The following GLIS3 variants were observed in gnomAD, a reference collection of about 807,000 sequenced individuals.
GLIS3 encodes zinc finger protein GLIS3.
GLIS3 carries 53 observed loss-of-function variants against 78.6 expected under a neutral mutation model. The observed-to-expected ratio is 0.67, with a 90% CI of 0.54 to 0.85. The LOEUF (loss-of-function observed/expected upper bound fraction) is 0.85. Ranked by LOEUF, GLIS3 falls within the 40% of genes least tolerant of loss-of-function variation. The probability of loss-of-function intolerance (pLI) is 0.00; values close to 1 mark genes in which losing one functional copy is unlikely to be tolerated. For synonymous variants in GLIS3, 684 were observed against 509.9 expected (o/e 1.34, Z -4.60); for missense variants, 1,703 against 1,231.1 (o/e 1.38, Z -5.74).
At chr9:4,472,528 A>G in the GLIS3 span, among the ~76,000 whole-genome samples, 3 of 146,934 alleles carry the variant, frequency 2.0e-5, no homozygotes, top group East Asian at 2.1e-4. Flanking sequence ...AACACTGCAT[A>G]TTCTCACTCA....
intron 2 of GLIS3, among the ~76,000 whole-genome samples, chr9:4,236,863 T>G (rs1296165484): frequency 6.6e-6 from 1 of 152,214 alleles, no homozygotes; most frequent in African/African-American, 2.4e-5. Context: ...AAAACTTCCC[T>G]TCTGATTGGC....
Position 3,951,880 on chromosome 9 carries a change from ACACACG to A in GLIS3, c.1711-14697_1711-14692del, listed in dbSNP as rs1231773118. ...CACACACACACACACACACACACACACACACGCACGCACACACCCACTGGCCTTTCT... is the reference window on the plus strand; with the variant it reads ...CACACACACACACACACACACACACACACGCACACACCCACTGGCCTTTCT... On this transcript the variant is annotated intron_variant, in intron 4 of 10. Coordinates refer to ENST00000381971, the MANE Select transcript of GLIS3 (RefSeq NM_001042413.2). Among the ~76,000 whole-genome samples the A allele has an allele frequency of 2.0e-5, 3 of 150,336 alleles. No homozygotes were observed. In the East Asian group the frequency reaches 5.8e-4, roughly 29 times the overall value.
intron 1 of GLIS3, among the ~76,000 whole-genome samples, chr9:4,288,265 T>C (rs1384232710): frequency 2.6e-5 from 4 of 152,204 alleles, no homozygotes; most frequent in African/African-American, 4.8e-5. Context: ...ATTGATAAAA[T>C]AGTGTTTTCT....
intron 9 of GLIS3, among the ~76,000 whole-genome samples, chr9:3,839,985 T>C (rs1588062356): frequency 6.6e-6 from 1 of 152,208 alleles, no homozygotes. Context: ...TTTCCATCCA[T>C]TGCATTAACG....
At chr9:3,848,016 T>A (rs1369714796) in intron 9 of GLIS3, among the ~76,000 whole-genome samples, 3 of 152,274 alleles carry the variant, frequency 2.0e-5, no homozygotes, top group African/African-American at 7.2e-5. Context: ...ACTTTCTCCA[T>A]GAAATCTATT....
chr9:4,484,242 T>A, the GLIS3 span, among the ~76,000 whole-genome samples: 51 of 147,298 alleles, frequency 3.5e-4, no homozygotes, highest in East Asian at 7.8e-4. Flanking sequence ...TTTTTTTATT[T>A]TTTTTATTTT....
At position 3,829,484 on chromosome 9, in the gene GLIS3, C is replaced by T. The variant is rs1179387242; in HGVS notation, c.2482G>A (p.Gly828Arg). Residue 828 changes from glycine (G) to arginine (R), a missense_variant, in exon 10 of 11, where the codon GGG (glycine) becomes AGG (arginine). By Grantham distance (125) the Gly-to-Arg change is moderately radical. Transcript: ENST00000381971. ...PNGIHVHGFY[G>R]QLQKFCPPHY... ...GGGGGACAGAACTTCTGCAGCTGCC[C>T]ATAAAATCCTGAAACGCAAGCATGG... The T allele has an allele frequency of 2.5e-6, 4 of 1,614,046 alleles. No homozygotes were observed. The East Asian group carries it at 8.9e-5, about 36-fold the overall frequency.
chr9:4,125,977 C>T (rs1404773011), intron 2 of GLIS3, 36 bp from the exon 3 acceptor site: 5 of 1,502,658 alleles, frequency 3.3e-6, no homozygotes, highest in Non-Finnish European at 3.7e-6. Flanking sequence ...TTTCATGTCC[C>T]TTACATCAGA....
the GLIS3 span, among the ~76,000 whole-genome samples, chr9:4,447,022 G>A: frequency 0.041 from 6,215 of 151,986 alleles, 188 homozygotes; most frequent in Non-Finnish European, 0.061. Flanking sequence ...CCCTATGCCT[G>A]TAATGGACCT....
intron 4 of GLIS3, among the ~76,000 whole-genome samples, chr9:3,992,299 A>C (rs747943867): frequency 6.6e-6 from 1 of 152,244 alleles, no homozygotes; most frequent in Non-Finnish European, 1.5e-5. Context: ...GTTATATGAA[A>C]TGTGAAAGAA....
At chr9:4,334,012 G>A (rs1485498068) in intron 2 of GLIS3, among the ~76,000 whole-genome samples, 1 of 152,142 alleles carries the variant, frequency 6.6e-6, no homozygotes, top group African/African-American at 2.4e-5. Context: ...GAGCTTAAGT[G>A]CTTAGAAACA....
chr9:4,296,903 CAAAAAAAAAA>C lies in GLIS3; in HGVS notation c.-99+2508_-99+2517del, dbSNP rs71324297. Among the ~76,000 whole-genome samples the C allele has an allele frequency of 7.7e-4, 88 of 114,156 alleles. 1 individual carries two copies. Among genetic ancestry groups the C allele is most frequent in the Admixed American group, 6.6e-3 (74 of 11,136 alleles). 74.9% of individuals were successfully genotyped at this position (114,156 alleles called of 152,430 possible). ...TTACACCTCAGCTTGTTCTCAATTG[CAAAAAAAAAA>C]AAAAAAAAAAAAAATGCATATAATC... On this transcript the variant is annotated intron_variant, in intron 1 of 10. Coordinates refer to ENST00000381971, the MANE Select transcript of GLIS3 (RefSeq NM_001042413.2).
the GLIS3 span, among the ~76,000 whole-genome samples, chr9:4,362,815 A>G: frequency 1.3e-5 from 2 of 152,134 alleles, no homozygotes; most frequent in Admixed American, 1.3e-4. Flanking sequence ...TTGCCAGAGA[A>G]CCCTGCTATC....
chr9:4,115,228 G>T (rs1463238391), intron 4 of GLIS3, among the ~76,000 whole-genome samples: 1 of 152,162 alleles, frequency 6.6e-6, no homozygotes, highest in Non-Finnish European at 1.5e-5. Context: ...ATCATACACA[G>T]AAAATAGCAG....
chr9:4,426,241 G>A, the GLIS3 span, among the ~76,000 whole-genome samples: 1 of 152,210 alleles, frequency 6.6e-6, no homozygotes, highest in East Asian at 1.9e-4. Context: ...AGGCTGAGTC[G>A]ATTTTAGAAG....
chr9:3,968,981 G>C (rs577998341), intron 4 of GLIS3, among the ~76,000 whole-genome samples: 2 of 152,322 alleles, frequency 1.3e-5, no homozygotes, highest in Admixed American at 6.5e-5. Context: ...AAGTGTGTTA[G>C]GCTCCATCAA....
rs187475462 is a variant in GLIS3 at position 4,032,430 on chromosome 9, T to C, written c.1710+85338A>G. 9.2e-5 allele frequency among the ~76,000 whole-genome samples: 14 copies of C among 152,246 alleles called. No homozygotes were observed. The East Asian group carries it at 2.7e-3, about 29-fold the overall frequency. On this transcript the variant is annotated intron_variant, in intron 4 of 10. Coordinates refer to ENST00000381971, the MANE Select transcript of GLIS3 (RefSeq NM_001042413.2). Reference sequence around the variant, plus strand: ...GCATATCATCTCACTTTCTTCTGCATAGAATGCTTTTTTTTCAAAATTTTA... The same window carrying C: ...GCATATCATCTCACTTTCTTCTGCACAGAATGCTTTTTTTTCAAAATTTTA...
At chr9:4,381,607 C>T in the GLIS3 span, among the ~76,000 whole-genome samples, 6 of 151,742 alleles carry the variant, frequency 4.0e-5, no homozygotes, top group South Asian at 2.1e-4. Context: ...GCATGAACCT[C>T]CAACTGGGGC....
chr9:4,092,323 T>C (rs1588652813), intron 4 of GLIS3, among the ~76,000 whole-genome samples: 1 of 151,968 alleles, frequency 6.6e-6, no homozygotes, highest in Non-Finnish European at 1.5e-5. Flanking sequence ...GGCTCATTTT[T>C]TTGTATTTTT....
Sources: gnomAD v4.1 joint callset for allele counts (sites outside exome capture counted in the v4.1 genomes callset) on GRCh38, gnomAD v4.1.1 for gene constraint, MANE v1.5 for transcripts, NCBI Gene and HGNC (gene_info 2026-07-23, HGNC 2026-07-21) for gene names.